PLCB4: variants seen among roughly 807,000 people sequenced by gnomAD.
The protein encoded by PLCB4 is 1-phosphatidylinositol 4,5-bisphosphate phosphodiesterase beta-4.
In PLCB4, 77 loss-of-function variants were observed where a neutral mutation model predicts 178.8. The observed-to-expected ratio is 0.43, with a 90% confidence interval of 0.36 to 0.52. The LOEUF (loss-of-function observed/expected upper bound fraction) is 0.52. PLCB4 is among the 20% of genes least tolerant of loss of function. PLCB4 has a pLI of 0.00. For synonymous variants in PLCB4, 496 were observed against 490.8 expected (o/e 1.01, Z -0.14); for missense variants, 1,024 against 1,453.4 (o/e 0.70, Z 4.80).
rs141489362 is a variant in PLCB4, at chr20:9,280,369, A to G, written c.-15-27431A>G. Reference sequence around the variant, plus strand: ...ACTGGCTCTTCACATTGGATTTCCAAGTTGGGAAGAGAAGGCAGGAAGACC... The same window carrying G: ...ACTGGCTCTTCACATTGGATTTCCAGGTTGGGAAGAGAAGGCAGGAAGACC... On this transcript the variant is annotated intron_variant, in intron 3 of 39. Coordinates refer to ENST00000378473, the MANE Select transcript of PLCB4 (RefSeq NM_001377142.1). The G allele has an allele frequency of 6.6e-4, 472 of 710,408 alleles. 1 individual carries two copies. Among genetic ancestry groups the G allele is most frequent in the African/African-American group, 5.5e-3 (286 of 51,990 alleles). 44.0% of individuals were successfully genotyped at this position (710,408 alleles called of 1,614,324 possible).
At chr20:9,247,979 G>A (rs1169501641) in intron 3 of PLCB4, among the ~76,000 whole-genome samples, 1 of 151,986 alleles carries the variant, frequency 6.6e-6, no homozygotes, top group Non-Finnish European at 1.5e-5. Context: ...ACAAAGCCCC[G>A]ACTTACAGCA....
intron 7 of PLCB4, among the ~76,000 whole-genome samples, chr20:9,356,458 A>G (rs2034831600): frequency 6.6e-6 from 1 of 152,202 alleles, no homozygotes; most frequent in Admixed American, 6.5e-5. Context: ...CTAAATTTCT[A>G]GCTTAAGATG....
chr20:9,165,669 T>G (rs371711121), intron 2 of PLCB4, among the ~76,000 whole-genome samples: 7 of 152,270 alleles, frequency 4.6e-5, no homozygotes, highest in Admixed American at 2.6e-4. Context: ...TAGTGTGGAT[T>G]GGCCATCCTA....
At chr20:9,381,835 A>G (rs2037167249) in intron 13 of PLCB4, among the ~76,000 whole-genome samples, 1 of 152,144 alleles carries the variant, frequency 6.6e-6, no homozygotes, top group Non-Finnish European at 1.5e-5. Context: ...CTAGGTATGT[A>G]CCCTAGAGAA....
chr20:9,318,171 A>C (rs1213433190), intron 4 of PLCB4, among the ~76,000 whole-genome samples: 1 of 152,136 alleles, frequency 6.6e-6, no homozygotes, highest in Non-Finnish European at 1.5e-5. Context: ...AAAATAAATA[A>C]AAATAAAAGA....
intron 2 of PLCB4, 74 bp from the exon 3 acceptor site, chr20:9,217,316 G>A (rs2093744489): frequency 6.6e-6 from 1 of 152,084 alleles, no homozygotes; most frequent in South Asian, 2.1e-4. Flanking sequence ...ATTTTGAAGT[G>A]CAAAGGACTG....
intron 1 of PLCB4, among the ~76,000 whole-genome samples, chr20:9,080,619 C>T (rs1434685849): frequency 6.6e-6 from 1 of 152,156 alleles, no homozygotes; most frequent in Non-Finnish European, 1.5e-5. Context: ...CATTACTTAG[C>T]CCTTAAAATG....
chr20:9,437,084 C>T lies in PLCB4; in HGVS notation c.2696C>T (p.Pro899Leu), dbSNP rs746908264. The T allele has an allele frequency of 1.2e-5, 19 of 1,614,096 alleles. 1 individual carries two copies. The Admixed American group carries it at 2.8e-4, about 24-fold the overall frequency. Reference protein sequence around the residue: ...KANTAKANVTPQSSSELRPTT... With the variant: ...KANTAKANVTLQSSSELRPTT... ...AACACCGCCAAAGCAAATGTGACCC[C>T]TCAGAGTAGCTCTGAGCTCAGACCA... The change falls in exon 30 of 40, where the codon CCT (proline) becomes CTT (leucine). Residue 899 changes from proline to leucine, a missense_variant. Physicochemically the swap from Pro to Leu is moderately conservative, Grantham distance 98. This residue lies in a region of PLCB4 where 227 missense variants were observed against 374.3 expected (regional missense o/e 0.61). Coordinates refer to ENST00000378473, the MANE Select transcript of PLCB4 (RefSeq NM_001377142.1).
rs539251293 is a variant in PLCB4, at chr20:9,191,498, A to T, written c.-78-25892A>T. On this transcript the variant is annotated intron_variant, in intron 2 of 39. Coordinates refer to ENST00000378473, the MANE Select transcript of PLCB4 (RefSeq NM_001377142.1). ...CTTTGCAGCCTCCAGAACTGTGAGA[A>T]ATAAATTTCTATTATTTATAACTTA... Among the ~76,000 whole-genome samples, 13 of 152,116 alleles carry T rather than the reference A, an allele frequency of 8.5e-5. No homozygotes were observed. In the South Asian group the frequency reaches 2.7e-3, roughly 32 times the overall value.
intron 2 of PLCB4, among the ~76,000 whole-genome samples, chr20:9,197,015 A>G (rs1190270778): frequency 6.6e-6 from 1 of 152,234 alleles, no homozygotes; most frequent in East Asian, 1.9e-4. Context: ...CTGGTAGATT[A>G]ATATTTTCCA....
chr20:9,134,856 A>T (rs1426428435), intron 2 of PLCB4, among the ~76,000 whole-genome samples: 1 of 152,174 alleles, frequency 6.6e-6, no homozygotes, highest in Admixed American at 6.5e-5. Context: ...TATTTTAAAT[A>T]GGAAAGCTAG....
intron 3 of PLCB4, among the ~76,000 whole-genome samples, chr20:9,255,073 C>T (rs182390974): frequency 6.6e-6 from 1 of 152,240 alleles, no homozygotes; most frequent in African/African-American, 2.4e-5. Flanking sequence ...TATACCTGCT[C>T]ATATAGTGAA....
At chr20:9,259,343 AAC>A (rs1050981737) in intron 3 of PLCB4, among the ~76,000 whole-genome samples, 7 of 152,226 alleles carry the variant, frequency 4.6e-5, no homozygotes, top group African/African-American at 1.7e-4. Flanking sequence ...CAATTTTAAA[AAC>A]GTGTAAAAAA....
At chr20:9,318,148 C>G (rs146013586) in intron 4 of PLCB4, among the ~76,000 whole-genome samples, 17 of 151,892 alleles carry the variant, frequency 1.1e-4, no homozygotes, top group African/African-American at 3.9e-4. Context: ...GAGTAAGATT[C>G]TGTCTCAAAA....
chr20:9,241,613 T>A (rs1182883662), intron 3 of PLCB4, among the ~76,000 whole-genome samples: 1 of 152,054 alleles, frequency 6.6e-6, no homozygotes, highest in Non-Finnish European at 1.5e-5. Context: ...AGAGTAGCAA[T>A]GGAAATAGGA....
At position 9,172,114 on chromosome 20, in the gene PLCB4, T is replaced by G. The variant is rs1048135354; in HGVS notation, c.-78-45276T>G. Among the ~76,000 whole-genome samples the G allele has an allele frequency of 5.3e-5, 8 of 152,260 alleles. No homozygotes were observed. The East Asian group carries it at 1.5e-3, about 29-fold the overall frequency. ...AATGTTTGGCACTTTAATAATTCCT[T>G]TCATCTGCAAAGAGCAAATTGTTTT... is the stretch of plus-strand genomic sequence containing the variant. On this transcript the variant is annotated intron_variant, in intron 2 of 39. Coordinates refer to ENST00000378473, the MANE Select transcript of PLCB4 (RefSeq NM_001377142.1).
chr20:9,256,776 G>T (rs1175321848), intron 3 of PLCB4, among the ~76,000 whole-genome samples: 1 of 152,196 alleles, frequency 6.6e-6, no homozygotes, highest in Admixed American at 6.5e-5. Flanking sequence ...TTATGTAAAT[G>T]TTGTATAATG....
intron 3 of PLCB4, among the ~76,000 whole-genome samples, chr20:9,235,425 A>G (rs1280096130): frequency 6.6e-6 from 1 of 152,226 alleles, no homozygotes; most frequent in African/African-American, 2.4e-5. Flanking sequence ...AGTATTATAG[A>G]AAAATGTATA....
intron 7 of PLCB4, among the ~76,000 whole-genome samples, chr20:9,342,960 C>T (rs2033399778): frequency 6.6e-6 from 1 of 152,068 alleles, no homozygotes; most frequent in Non-Finnish European, 1.5e-5. Flanking sequence ...TGACAACTGA[C>T]AATAAATAGG....
Sources: gnomAD v4.1 joint callset for allele counts (sites outside exome capture counted in the v4.1 genomes callset) on GRCh38, gnomAD v4.1.1 for gene constraint, gnomAD v4.1.1 regional missense constraint, MANE v1.5 for transcripts, NCBI Gene and HGNC (gene_info 2026-07-23, HGNC 2026-07-21) for gene names.